GLIS1: variants seen among roughly 807,000 people sequenced by gnomAD.
GLIS1 encodes GLIS family zinc finger 1.
Under a neutral mutation model 63.8 loss-of-function variants are expected in GLIS1, and 24 were observed. The ratio of observed to expected loss-of-function variants is 0.38; its 90% CI spans 0.27 to 0.53. The LOEUF is 0.53. Among genes scored for constraint, GLIS1 ranks in the 20% least tolerant of loss-of-function variants. The pLI, the probability that GLIS1 is intolerant of heterozygous loss-of-function variation, is 0.85. For missense variants in GLIS1, 1,036 were observed against 1,074.1 expected (o/e 0.96, Z 0.50); for synonymous variants, 450 against 482.5 (o/e 0.93, Z 0.88).
chr1:53,537,031 G>C (rs1644588177), intron 4 of GLIS1, among the ~76,000 whole-genome samples: 1 of 152,230 alleles, frequency 6.6e-6, no homozygotes, highest in Admixed American at 6.5e-5. Context: ...GGGAAAATCA[G>C]AACCTAATTG....
intron 2 of GLIS1, among the ~76,000 whole-genome samples, chr1:53,682,947 T>C (rs544054161): frequency 7.6e-4 from 116 of 152,018 alleles, no homozygotes; most frequent in Non-Finnish European, 9.9e-4. Context: ...GGGGTATACA[T>C]AGGAGAGGAA....
At chr1:53,702,391 T>C (rs1051208749) in intron 2 of GLIS1, among the ~76,000 whole-genome samples, 1 of 152,230 alleles carries the variant, frequency 6.6e-6, no homozygotes, top group Non-Finnish European at 1.5e-5. Context: ...AGGGCAAGCA[T>C]GCAGTACACA....
At chr1:53,554,449 T>C (rs78514812) in intron 4 of GLIS1, among the ~76,000 whole-genome samples, 1,679 of 152,228 alleles carry the variant, frequency 0.011, 35 homozygotes, top group African/African-American at 0.039. Context: ...TGCCCGGCTA[T>C]TCACATAGGT....
At chr1:53,609,714 C>T (rs1188215626) in intron 2 of GLIS1, among the ~76,000 whole-genome samples, 1 of 152,172 alleles carries the variant, frequency 6.6e-6, no homozygotes, top group Non-Finnish European at 1.5e-5. Context: ...TCAGTACAGT[C>T]ATGCATCAAC....
intron 2 of GLIS1, among the ~76,000 whole-genome samples, chr1:53,605,483 T>C (rs1445960744): frequency 2.6e-5 from 4 of 152,224 alleles, no homozygotes; most frequent in African/African-American, 9.7e-5. Context: ...TGCGAATAGC[T>C]GCCACTTAGG....
At chr1:53,549,905 T>C (rs778775767) in intron 4 of GLIS1, among the ~76,000 whole-genome samples, 66 of 152,268 alleles carry the variant, frequency 4.3e-4, no homozygotes, top group Admixed American at 4.2e-3. Context: ...GTCACCCACC[T>C]AGGAGGCCAC....
chr1:53,612,224 A>G lies in GLIS1; in HGVS notation c.260-11946T>C, dbSNP rs137947395. On this transcript the variant is annotated intron_variant, in intron 2 of 10. Transcript: ENST00000628545. ...TCAGCAAATAACTTGAAGGAAAAGC[A>G]ATGCTGAATGTTAGGCTTACTTTTT... Among the ~76,000 whole-genome samples the G allele has an allele frequency of 4.1e-3, 620 of 152,284 alleles. 2 individuals carry two copies. Among genetic ancestry groups the G allele is most frequent in the Non-Finnish European group, 6.3e-3 (430 of 68,024 alleles).
At chr1:53,730,281 A>G (rs1646847108) in intron 2 of GLIS1, among the ~76,000 whole-genome samples, 1 of 152,100 alleles carries the variant, frequency 6.6e-6, no homozygotes, top group Admixed American at 6.6e-5. Context: ...GATCCTGGCA[A>G]CCTCTGCCGG....
chr1:53,722,098 G>A lies in GLIS1; in HGVS notation c.259+15708C>T, dbSNP rs1463773056. 3.3e-5 allele frequency among the ~76,000 whole-genome samples: 5 copies of A among 152,194 alleles called. No homozygotes were observed. The South Asian group carries it at 6.2e-4, about 19-fold the overall frequency. On this transcript the variant is annotated intron_variant, in intron 2 of 10. Transcript: ENST00000628545. The stretch of plus-strand genomic sequence containing the variant: ...AAACAAACATATAATGAAACCAGAT[G>A]TCAATTCCATCTTCAAATTAGGAAA...
At chr1:53,525,113 G>A (rs1644452655) in intron 5 of GLIS1, among the ~76,000 whole-genome samples, 3 of 152,168 alleles carry the variant, frequency 2.0e-5, no homozygotes. Context: ...CAGGTCAGTT[G>A]CCTCTCCTCT....
intron 2 of GLIS1, among the ~76,000 whole-genome samples, chr1:53,669,728 A>G (rs954430462): frequency 1.3e-5 from 2 of 152,168 alleles, no homozygotes; most frequent in African/African-American, 2.4e-5. Context: ...ACTGCCTGCT[A>G]TGTGCCTATC....
intron 6 of GLIS1, among the ~76,000 whole-genome samples, chr1:53,524,404 C>A (rs1322589795): frequency 6.6e-6 from 1 of 152,242 alleles, no homozygotes; most frequent in African/African-American, 2.4e-5. Flanking sequence ...TGTCTGCTGT[C>A]GCCTGCCAGG....
chr1:53,642,682 C>T (rs529497639), intron 2 of GLIS1, among the ~76,000 whole-genome samples: 2 of 152,312 alleles, frequency 1.3e-5, no homozygotes, highest in African/African-American at 4.8e-5. Flanking sequence ...AAGCTCTCTC[C>T]TTTCTTGTGT....
intron 4 of GLIS1, among the ~76,000 whole-genome samples, chr1:53,558,087 T>G (rs1055202441): frequency 2.6e-5 from 4 of 152,060 alleles, no homozygotes; most frequent in African/African-American, 9.7e-5. Flanking sequence ...AGCCCTGCAG[T>G]GGGTACTGCC....
intron 2 of GLIS1, among the ~76,000 whole-genome samples, chr1:53,615,215 C>T (rs1645468341): frequency 6.6e-6 from 1 of 152,122 alleles, no homozygotes; most frequent in African/African-American, 2.4e-5. Context: ...CAGGGAACTG[C>T]TGGGTATCCT....
intron 2 of GLIS1, among the ~76,000 whole-genome samples, chr1:53,601,467 G>T (rs143749469): frequency 6.6e-6 from 1 of 152,232 alleles, no homozygotes; most frequent in Admixed American, 6.5e-5. Context: ...AAAAAACCTG[G>T]TCCTGGAACA....
chr1:53,698,487 T>C (rs1212385733), intron 2 of GLIS1, among the ~76,000 whole-genome samples: 2 of 152,230 alleles, frequency 1.3e-5, no homozygotes, highest in Non-Finnish European at 2.9e-5. Flanking sequence ...CTGCCCTGCC[T>C]AGTCAGCAGG....
At chr1:53,581,463 C>T (rs1217895060) in intron 4 of GLIS1, among the ~76,000 whole-genome samples, 3 of 152,204 alleles carry the variant, frequency 2.0e-5, no homozygotes, top group Non-Finnish European at 4.4e-5. Context: ...ATCTGTTGAT[C>T]ACATATTGTG....
At chr1:53,636,827 G>A (rs141537447) in intron 2 of GLIS1, among the ~76,000 whole-genome samples, 48 of 152,292 alleles carry the variant, frequency 3.2e-4, no homozygotes, top group African/African-American at 1.1e-3. Flanking sequence ...CTCCACCTGC[G>A]CTGTTTCTGA....
Sources: gnomAD v4.1 joint callset for allele counts (sites outside exome capture counted in the v4.1 genomes callset) on GRCh38, gnomAD v4.1.1 for gene constraint, MANE v1.5 for transcripts, NCBI Gene and HGNC (gene_info 2026-07-23, HGNC 2026-07-21) for gene names.